Variants in USP3 observed in about 807,000 individuals in gnomAD.
USP3 encodes the protein ubiquitin specific peptidase 3.
USP3 carries 20 observed loss-of-function variants against 72.3 expected under a neutral mutation model. That is an observed-to-expected ratio of 0.28 (90% CI 0.19 to 0.40). USP3 has a LOEUF of 0.40. USP3 is among the 10% of genes least tolerant of loss of function. USP3 has a pLI of 1.00. For missense variants in USP3, 479 were observed against 633.9 expected (o/e 0.76, Z 2.62); for synonymous variants, 222 against 225.3 (o/e 0.99, Z 0.13).
At chr15:63,581,718 A>G (rs1396078111) in intron 11 of USP3, among the ~76,000 whole-genome samples, 1 of 136,476 alleles carries the variant, frequency 7.3e-6, no homozygotes, top group African/African-American at 2.8e-5. Flanking sequence ...TTTAAAAGAC[A>G]GGGTCTCACT....
Position 63,556,944 on chromosome 15 carries a change from T to A in USP3, c.450+196T>A, listed in dbSNP as rs2066520502. On this transcript the variant is annotated intron_variant, in intron 5 of 14. Coordinates refer to ENST00000380324, the MANE Select transcript of USP3 (RefSeq NM_006537.4). Reference sequence around the variant, plus strand: ...CCCAGTGAGTCCATCTGTCAGCACCTTCTTCCCATCAGCGTTACTGCTGTG... The same window carrying A: ...CCCAGTGAGTCCATCTGTCAGCACCATCTTCCCATCAGCGTTACTGCTGTG... The A allele has an allele frequency of 8.2e-6, 4 of 484,992 alleles. No individual in the cohort carries two copies. In the East Asian group the frequency reaches 1.4e-4, roughly 17 times the overall value. The allele number at this position is 484,992 out of a possible 1,614,324, so 30.0% of individuals were successfully genotyped here.
chr15:63,565,877 C>T lies in USP3; in HGVS notation c.761+2869C>T, dbSNP rs569633804. On this transcript the variant is annotated intron_variant, in intron 8 of 14. Coordinates refer to ENST00000380324, the MANE Select transcript of USP3 (RefSeq NM_006537.4). The stretch of plus-strand genomic sequence containing the variant: ...TGCAGGTATCTAAGAGAGAAAGTGC[C>T]GGGCTCAAGGAAATGTTCTTCTGTA... 7.2e-5 allele frequency among the ~76,000 whole-genome samples: 11 copies of T among 152,224 alleles called. 1 individual carries two copies. In the South Asian group the frequency reaches 2.1e-3, roughly 29 times the overall value.
At chr15:63,584,158 C>A (rs1018542793) in intron 11 of USP3, among the ~76,000 whole-genome samples, 4 of 135,006 alleles carry the variant, frequency 3.0e-5, no homozygotes. Flanking sequence ...AGTGCAGTGG[C>A]ATGATCTCAG....
intron 2 of USP3, among the ~76,000 whole-genome samples, chr15:63,535,699 A>G (rs1309078657): frequency 1.3e-5 from 2 of 152,200 alleles, no homozygotes; most frequent in South Asian, 2.1e-4. Context: ...TTCCAAGTTG[A>G]GGTTAATAGT....
intron 1 of USP3, among the ~76,000 whole-genome samples, chr15:63,505,199 G>T (rs1037368467): frequency 2.0e-5 from 3 of 151,956 alleles, no homozygotes; most frequent in Admixed American, 6.6e-5. Context: ...TGTGGGGCGG[G>T]TGTCCGGCCC....
At chr15:63,550,759 T>C (rs1158603181) in intron 3 of USP3, among the ~76,000 whole-genome samples, 4 of 152,248 alleles carry the variant, frequency 2.6e-5, no homozygotes, top group Non-Finnish European at 5.9e-5. Context: ...TTCCGTAAAA[T>C]ATCTTTTTAA....
At chr15:63,581,730 T>C (rs1368414001) in intron 11 of USP3, among the ~76,000 whole-genome samples, 2 of 151,678 alleles carry the variant, frequency 1.3e-5, no homozygotes, top group Non-Finnish European at 2.9e-5. Context: ...GGTCTCACTC[T>C]GTTGCCCAGG....
At chr15:63,515,638 ACTG>A (rs1567090578) in intron 1 of USP3, 2 of 152,206 alleles carry the variant, frequency 1.3e-5, no homozygotes, top group Non-Finnish European at 2.9e-5. Flanking sequence ...CAAATGATAA[ACTG>A]CTATTCTAAT....
At chr15:63,585,458 T>C (rs192604306) in intron 11 of USP3, among the ~76,000 whole-genome samples, 71 of 152,330 alleles carry the variant, frequency 4.7e-4, no homozygotes, top group Non-Finnish European at 8.4e-4. Flanking sequence ...TTTATTCTTT[T>C]TGATGCTACT....
rs185835441 is a variant in USP3, at chr15:63,510,395, T to C, written c.91+5565T>C. Among the ~76,000 whole-genome samples, 191 of 152,290 alleles carry C rather than the reference T, an allele frequency of 1.3e-3. 1 individual carries two copies. The highest frequency in any genetic ancestry group is 3.7e-3 in the Admixed American group (57 of 15,306). On this transcript the variant is annotated intron_variant, in intron 1 of 14. Coordinates refer to ENST00000380324, the MANE Select transcript of USP3 (RefSeq NM_006537.4). ...TTTGTTTGTTTTTAATATTTTTCCT[T>C]CTTTGAAAACAAAATGTTAGTCTCC... is the stretch of plus-strand genomic sequence containing the variant.
intron 11 of USP3, among the ~76,000 whole-genome samples, chr15:63,582,779 C>CAGGAAGGAAGGCT (rs2066986259): frequency 6.6e-6 from 1 of 152,046 alleles, no homozygotes; most frequent in Non-Finnish European, 1.5e-5. Flanking sequence ...AAGATGAGGA[C>CAGGAAGGAAGGCT]AGGAAGGAAG....
chr15:63,588,677 C>A lies in USP3; in HGVS notation c.1216-25C>A. The A allele has an allele frequency of 6.4e-7, 1 of 1,554,724 alleles. No homozygotes were observed. The highest frequency in any genetic ancestry group is 8.9e-7 in the Non-Finnish European group (1 of 1,129,462). ...GAAAGGTAAATTAGGTGTTCACAATCTTTGACCGCATCTCTGTCCTCCAGG... is the reference window on the plus strand; with the variant it reads ...GAAAGGTAAATTAGGTGTTCACAATATTTGACCGCATCTCTGTCCTCCAGG... On this transcript the variant is annotated intron_variant, in intron 12 of 14. Coordinates refer to ENST00000380324, the MANE Select transcript of USP3 (RefSeq NM_006537.4). This position sits in a 1 kb window ranked among gnomAD's most constrained non-coding sequence, Gnocchi z 4.6.
chr15:63,533,471 G>C (rs1002219107), intron 2 of USP3, among the ~76,000 whole-genome samples: 2 of 151,982 alleles, frequency 1.3e-5, no homozygotes, highest in African/African-American at 4.8e-5. Context: ...TTTTTTGCCT[G>C]GTAGCAGCAC....
At chr15:63,504,984 G>A (rs1210305038) in intron 1 of USP3, among the ~76,000 whole-genome samples, 154 bp downstream of exon 1, 2 of 150,480 alleles carry the variant, frequency 1.3e-5, no homozygotes, top group Non-Finnish European at 3.0e-5. Context: ...CGATGAGGCG[G>A]GCGCGTGCGG....
intron 3 of USP3, chr15:63,551,829 C>A (rs539933785): frequency 6.6e-6 from 1 of 152,198 alleles, no homozygotes; most frequent in Non-Finnish European, 1.5e-5. Flanking sequence ...GATCAACTTA[C>A]TTTGGTGATA....
chr15:63,556,907 T>C, intron 5 of USP3, 159 bp downstream of exon 5: 2 of 583,972 alleles, frequency 3.4e-6, no homozygotes. Flanking sequence ...TACTGTCGAT[T>C]GTTGCCGTGA....
At chr15:63,507,226 A>C (rs1446858992) in intron 1 of USP3, among the ~76,000 whole-genome samples, 1 of 152,194 alleles carries the variant, frequency 6.6e-6, no homozygotes, top group Non-Finnish European at 1.5e-5. Flanking sequence ...TGGGACAATA[A>C]AAGTAATGCC....
intron 1 of USP3, among the ~76,000 whole-genome samples, chr15:63,525,759 A>G (rs2065973239): frequency 6.6e-6 from 1 of 152,182 alleles, no homozygotes; most frequent in Non-Finnish European, 1.5e-5. Context: ...TTGGAAGGTA[A>G]GTTAGGTCCG....
intron 11 of USP3, among the ~76,000 whole-genome samples, chr15:63,580,218 T>C (rs923695589): frequency 2.0e-5 from 3 of 152,114 alleles, no homozygotes; most frequent in African/African-American, 7.2e-5. Flanking sequence ...CATGGAAATA[T>C]GTGTGTGGAA....
Sources: allele counts gnomAD v4.1 joint callset (sites outside exome capture counted in the v4.1 genomes callset), GRCh38; gene constraint gnomAD v4.1.1; non-coding constraint Gnocchi (gnomAD v3.1); transcripts MANE v1.5; gene names NCBI Gene and HGNC (gene_info 2026-07-23, HGNC 2026-07-21).